RASGEF1A: variants seen among roughly 807,000 people sequenced by gnomAD.
The protein encoded by RASGEF1A is ras-GEF domain-containing family member 1A.
A neutral mutation model predicts 56.4 loss-of-function variants in RASGEF1A; 18 were observed. The observed-to-expected ratio is 0.32, with a 90% CI of 0.22 to 0.47. The LOEUF (loss-of-function observed/expected upper bound fraction) is 0.47, where lower values mean the gene tolerates loss of function less well. Among genes scored for constraint, RASGEF1A ranks in the 20% least tolerant of loss-of-function variants. RASGEF1A has a pLI of 1.00. For missense variants in RASGEF1A, 422 were observed against 627.1 expected (o/e 0.67, Z 3.49); for synonymous variants, 245 against 242.6 (o/e 1.01, Z -0.09).
chr10:43,258,623 G>T (rs1427982373), intron 1 of RASGEF1A, among the ~76,000 whole-genome samples: 1 of 152,234 alleles, frequency 6.6e-6, no homozygotes, highest in African/African-American at 2.4e-5. Flanking sequence ...GGGAGCCTCA[G>T]AGAGCCTAGC....
intron 1 of RASGEF1A, among the ~76,000 whole-genome samples, chr10:43,254,647 G>A (rs1285551330): frequency 6.6e-6 from 1 of 152,178 alleles, no homozygotes; most frequent in African/African-American, 2.4e-5. Flanking sequence ...GTGGGGGCTA[G>A]GTGGGGGCTG....
At chr10:43,266,534 T>C (rs1359185405) in intron 1 of RASGEF1A, among the ~76,000 whole-genome samples, 1 of 149,978 alleles carries the variant, frequency 6.7e-6, no homozygotes, top group Non-Finnish European at 1.5e-5. Context: ...CCGCGTGCGC[T>C]CCTGCCACGC....
chr10:43,222,199 A>G (rs1840217811), intron 1 of RASGEF1A, among the ~76,000 whole-genome samples: 1 of 152,214 alleles, frequency 6.6e-6, no homozygotes, highest in African/African-American at 2.4e-5. Context: ...TAGAAAAAGC[A>G]CAGTGACAAT....
At chr10:43,215,081 C>G (rs1335605393) in intron 1 of RASGEF1A, among the ~76,000 whole-genome samples, 2 of 152,226 alleles carry the variant, frequency 1.3e-5, no homozygotes, top group African/African-American at 4.8e-5. Context: ...TGGACAAGCA[C>G]ACATTCCCAC....
At chr10:43,217,867 T>TCTCAG (rs1840158133) in intron 1 of RASGEF1A, among the ~76,000 whole-genome samples, 2 of 152,106 alleles carry the variant, frequency 1.3e-5, no homozygotes, top group African/African-American at 4.8e-5. Flanking sequence ...AAATCCCAGC[T>TCTCAG]CTCAGACTGT....
At chr10:43,208,491 G>A (rs768599796) in intron 1 of RASGEF1A, 20 of 985,552 alleles carry the variant, frequency 2.0e-5, no homozygotes, top group Non-Finnish European at 2.2e-5. Context: ...CCACGCCTTC[G>A]AGGGTGGGGG....
chr10:43,204,806 G>A (rs1292656834), intron 2 of RASGEF1A, among the ~76,000 whole-genome samples: 2 of 152,206 alleles, frequency 1.3e-5, no homozygotes, highest in African/African-American at 2.4e-5. Context: ...AGGCCTCTGA[G>A]AAGGGTGGCT....
At position 43,230,427 on chromosome 10, in the gene RASGEF1A, C is replaced by CAG. The variant is rs1385282042; in HGVS notation, c.-6-24306_-6-24305insCT. ...AGAAGGAATCTGCCAGGTGATGGGG[C>CAG]TACCCCTCTGCGCATTCCTGTGGTG... On this transcript the variant is annotated intron_variant, in intron 1 of 12. Coordinates refer to ENST00000395810, the MANE Select transcript of RASGEF1A (RefSeq NM_145313.4). Among the ~76,000 whole-genome samples the CAG allele has an allele frequency of 2.4e-4, 36 of 152,292 alleles. 1 individual carries two copies. In the East Asian group the frequency reaches 5.8e-3, roughly 25 times the overall value.
At chr10:43,222,349 G>A (rs938734183) in intron 1 of RASGEF1A, among the ~76,000 whole-genome samples, 1 of 152,148 alleles carries the variant, frequency 6.6e-6, no homozygotes, top group African/African-American at 2.4e-5. Flanking sequence ...AGCCTGGCTG[G>A]GGGCTGGTTG....
At chr10:43,197,571 C>T (rs1251058998) in intron 10 of RASGEF1A, among the ~76,000 whole-genome samples, 3 of 152,220 alleles carry the variant, frequency 2.0e-5, no homozygotes, top group African/African-American at 7.2e-5. Flanking sequence ...CTATGTCCCA[C>T]CCTCCCATCC....
chr10:43,210,133 C>A (rs951966127), intron 1 of RASGEF1A, among the ~76,000 whole-genome samples: 3 of 152,206 alleles, frequency 2.0e-5, no homozygotes, highest in African/African-American at 7.2e-5. Flanking sequence ...CCCGGGAAGC[C>A]CACCTGTGTG....
intron 1 of RASGEF1A, chr10:43,208,222 C>T: frequency 1.0e-6 from 1 of 985,458 alleles, no homozygotes; most frequent in African/African-American, 1.7e-5. Context: ...TCACCCCAAG[C>T]TCTTGGGGTC....
At chr10:43,241,058 T>G (rs149843346) in intron 1 of RASGEF1A, among the ~76,000 whole-genome samples, 2 of 152,314 alleles carry the variant, frequency 1.3e-5, no homozygotes, top group South Asian at 4.1e-4. Flanking sequence ...ACCTGCCTTA[T>G]AAGAACTACT....
At chr10:43,254,377 C>T (rs978796533) in intron 1 of RASGEF1A, among the ~76,000 whole-genome samples, 3 of 152,220 alleles carry the variant, frequency 2.0e-5, no homozygotes, top group African/African-American at 7.2e-5. Flanking sequence ...GGCACTGGCC[C>T]TCCTGCTGAG....
intron 1 of RASGEF1A, among the ~76,000 whole-genome samples, chr10:43,263,440 T>C (rs1047939420): frequency 6.6e-6 from 1 of 152,116 alleles, no homozygotes; most frequent in African/African-American, 2.4e-5. Context: ...GCAAGTTTCG[T>C]TGTTTTTAAA....
At chr10:43,208,456 A>C in intron 1 of RASGEF1A, 2 of 985,648 alleles carry the variant, frequency 2.0e-6, no homozygotes, top group Non-Finnish European at 2.4e-6. Context: ...CCCACTGGTC[A>C]GCAGCCAGAG....
At chr10:43,201,686 C>A in intron 4 of RASGEF1A, 122 bp downstream of exon 4, 1 of 1,110,804 alleles carries the variant, frequency 9.0e-7, no homozygotes, top group Non-Finnish European at 1.2e-6. Flanking sequence ...AGCCAGCAAC[C>A]CTCCTGGGGG....
At chr10:43,203,595 A>C in intron 2 of RASGEF1A, 175 bp from the exon 3 acceptor site, 1 of 1,240,234 alleles carries the variant, frequency 8.1e-7, no homozygotes, top group Admixed American at 3.6e-5. Flanking sequence ...TCTTACTGCT[A>C]CCCCGGCCCT....
chr10:43,253,357 T>G (rs1840648359), intron 1 of RASGEF1A, among the ~76,000 whole-genome samples: 1 of 152,148 alleles, frequency 6.6e-6, no homozygotes. Flanking sequence ...CAAGAGTGGG[T>G]ATGGCCCCCA....
Sources: allele counts gnomAD v4.1 joint callset (sites outside exome capture counted in the v4.1 genomes callset), GRCh38; gene constraint gnomAD v4.1.1; transcripts MANE v1.5; gene names NCBI Gene and HGNC (gene_info 2026-07-23, HGNC 2026-07-21).